The following DGKB variants were observed in gnomAD, a reference collection of about 807,000 sequenced individuals.
DGKB encodes the protein 90 kDa diacylglycerol kinase.
A neutral mutation model predicts 114.3 loss-of-function variants in DGKB; 67 were observed. The ratio of observed to expected loss-of-function variants is 0.59; its 90% confidence interval spans 0.48 to 0.72. The LOEUF (loss-of-function observed/expected upper bound fraction) is 0.72. Among genes scored for constraint, DGKB ranks in the 30% least tolerant of loss-of-function variants. The probability of loss-of-function intolerance (pLI) is 0.00; values close to 1 mark genes in which losing one functional copy is unlikely to be tolerated. For missense variants in DGKB, 907 were observed against 975.2 expected (o/e 0.93, Z 0.93); for synonymous variants, 398 against 323.1 (o/e 1.23, Z -2.49).
intron 6 of DGKB, among the ~76,000 whole-genome samples, chr7:14,704,994 G>T (rs1363038373): frequency 6.6e-6 from 1 of 151,904 alleles, no homozygotes; most frequent in Non-Finnish European, 1.5e-5. Context: ...GCTGAGAGAA[G>T]AAGGCTTCAG....
chr7:14,564,022 A>C (rs1797044870), intron 20 of DGKB, among the ~76,000 whole-genome samples: 1 of 152,184 alleles, frequency 6.6e-6, no homozygotes, highest in African/African-American at 2.4e-5. Flanking sequence ...TGGTAAGACA[A>C]ATGCTAGCTC....
rs1271772437 is a variant in DGKB, at chr7:14,507,665, A to AC, written c.1771-29441dup. Among the ~76,000 whole-genome samples, 3 of 152,068 alleles carry AC rather than the reference A, an allele frequency of 2.0e-5. 1 individual carries two copies. In the East Asian group the frequency reaches 5.8e-4, roughly 29 times the overall value. On this transcript the variant is annotated intron_variant, in intron 20 of 25. Coordinates refer to ENST00000402815, the MANE Select transcript of DGKB (RefSeq NM_001350709.2). ...GGGCCATATGTTGAACCAATGTGAT[A>AC]CCCCCTGAAGCAGGCTTTCCTCATT...
At chr7:14,895,799 T>A (rs546363178) in intron 1 of DGKB, among the ~76,000 whole-genome samples, 1 of 151,756 alleles carries the variant, frequency 6.6e-6, no homozygotes, top group South Asian at 2.1e-4. Flanking sequence ...ACTAGCTGAG[T>A]ATGACTGACA....
intron 17 of DGKB, among the ~76,000 whole-genome samples, chr7:14,599,788 A>G (rs552993029): frequency 6.6e-6 from 1 of 152,296 alleles, no homozygotes; most frequent in South Asian, 2.1e-4. Context: ...TTCATCTGCT[A>G]TGGGTTTTCT....
At chr7:14,556,352 T>A (rs1304630142) in intron 20 of DGKB, among the ~76,000 whole-genome samples, 1 of 152,142 alleles carries the variant, frequency 6.6e-6, no homozygotes, top group Non-Finnish European at 1.5e-5. Flanking sequence ...TTACATTGCT[T>A]TACTAGTTTC....
intron 21 of DGKB, among the ~76,000 whole-genome samples, chr7:14,422,958 T>C (rs998370993): frequency 1.3e-5 from 2 of 152,034 alleles, no homozygotes; most frequent in Non-Finnish European, 2.9e-5. Flanking sequence ...CTAGGGAAAC[T>C]AGGCTGTAAG....
rs1435783278 is a variant in DGKB at position 14,214,341 on chromosome 7, G to A, written c.2123-36190C>T. ...ATGGCACGCTCTTTCTTCTTTTGGG[G>A]ATTTCATTCATTTAGAAAAAAAATT... On this transcript the variant is annotated intron_variant, in intron 23 of 25. Transcript: ENST00000402815. 2.0e-5 allele frequency among the ~76,000 whole-genome samples: 3 copies of A among 151,792 alleles called. No homozygotes were observed. The East Asian group carries it at 5.8e-4, about 29-fold the overall frequency.
chr7:14,634,128 T>C (rs190973523), intron 13 of DGKB, among the ~76,000 whole-genome samples: 1 of 151,238 alleles, frequency 6.6e-6, no homozygotes, highest in African/African-American at 2.4e-5. Flanking sequence ...ACCTTATACC[T>C]ACATAAGAAC....
intron 21 of DGKB, among the ~76,000 whole-genome samples, chr7:14,392,617 C>T (rs1048686860): frequency 1.3e-5 from 2 of 152,102 alleles, no homozygotes; most frequent in African/African-American, 2.4e-5. Flanking sequence ...CTTACCAGGG[C>T]ATGCAGTGGC....
At chr7:14,800,158 C>T (rs10233958) in intron 2 of DGKB, among the ~76,000 whole-genome samples, 13,862 of 152,138 alleles carry the variant, frequency 0.091, 811 homozygotes, top group East Asian at 0.24. Flanking sequence ...CCTCATGATC[C>T]GCCCACCTCG....
chr7:14,265,963 CG>C (rs1200129869), intron 23 of DGKB, among the ~76,000 whole-genome samples: 1 of 152,048 alleles, frequency 6.6e-6, no homozygotes, highest in Non-Finnish European at 1.5e-5. Flanking sequence ...AGAACAGTGG[CG>C]AAAGAGGGTA....
At chr7:14,879,502 A>G (rs1207858031) in intron 1 of DGKB, among the ~76,000 whole-genome samples, 3 of 152,184 alleles carry the variant, frequency 2.0e-5, no homozygotes, top group African/African-American at 7.2e-5. Flanking sequence ...CTTGCTTTCT[A>G]TGTAAATATT....
At chr7:14,952,628 C>T (rs1349955460) in intron 1 of DGKB, among the ~76,000 whole-genome samples, 4 of 151,824 alleles carry the variant, frequency 2.6e-5, no homozygotes, top group African/African-American at 7.3e-5. Context: ...TGGTGGCGCA[C>T]GTCTCTAATG....
chr7:14,247,195 C>T (rs1481070475), intron 23 of DGKB, among the ~76,000 whole-genome samples: 1 of 152,002 alleles, frequency 6.6e-6, no homozygotes, highest in African/African-American at 2.4e-5. Flanking sequence ...AAAAATATTC[C>T]ACTGTGTGTG....
Position 14,813,200 on chromosome 7 carries a change from C to T in DGKB, c.70+27994G>A, listed in dbSNP as rs560243967. Among the ~76,000 whole-genome samples the T allele has an allele frequency of 2.3e-3, 345 of 152,172 alleles. 1 individual carries two copies. The highest frequency in any genetic ancestry group is 7.9e-3 in the African/African-American group (326 of 41,524). On this transcript the variant is annotated intron_variant, in intron 2 of 25. Transcript: ENST00000402815. ...CACCACCTGAATTTCTAACACTCGGCGTTCCTTGCTTTAAGCTATTTTTAT... is the reference window on the plus strand; with the variant it reads ...CACCACCTGAATTTCTAACACTCGGTGTTCCTTGCTTTAAGCTATTTTTAT...
At chr7:14,708,254 C>CAA (rs1277928544) in intron 6 of DGKB, among the ~76,000 whole-genome samples, 8 of 107,348 alleles carry the variant, frequency 7.5e-5, no homozygotes, top group Non-Finnish European at 1.3e-4. Context: ...ATCCACCTTA[C>CAA]AAGGGATGTG....
At chr7:14,832,429 A>G (rs924893417) in intron 2 of DGKB, among the ~76,000 whole-genome samples, 5 of 151,826 alleles carry the variant, frequency 3.3e-5, no homozygotes, top group Non-Finnish European at 5.9e-5. Flanking sequence ...TAATCCTTCC[A>G]CTTTGTTTTC....
intron 1 of DGKB, among the ~76,000 whole-genome samples, chr7:14,890,947 T>C (rs1164164459): frequency 1.3e-5 from 2 of 151,204 alleles, no homozygotes; most frequent in African/African-American, 4.8e-5. Context: ...CTACACTTAG[T>C]CGAATTAAAA....
chr7:14,152,070 G>A (rs952561806), intron 25 of DGKB, among the ~76,000 whole-genome samples: 4 of 151,980 alleles, frequency 2.6e-5, no homozygotes, highest in African/African-American at 4.8e-5. Flanking sequence ...CTGTAATTAT[G>A]ACTCTGATGC....
Sources: gnomAD v4.1 joint callset for allele counts (sites outside exome capture counted in the v4.1 genomes callset) on GRCh38, gnomAD v4.1.1 for gene constraint, MANE v1.5 for transcripts, NCBI Gene and HGNC (gene_info 2026-07-23, HGNC 2026-07-21) for gene names.